Variants in FAM162B observed in about 807,000 individuals in gnomAD.
FAM162B encodes the protein family with sequence similarity 162 member B.
Under a neutral mutation model 20.0 loss-of-function variants are expected in FAM162B, and 16 were observed. The observed-to-expected ratio is 0.80, with a 90% CI of 0.54 to 1.21. The LOEUF (loss-of-function observed/expected upper bound fraction) is 1.21. Among genes scored for constraint, FAM162B ranks in the 50% most tolerant of loss-of-function variants. FAM162B has a pLI of 0.00. For synonymous variants in FAM162B, 83 were observed against 89.7 expected, an observed-to-expected ratio of 0.93 and a Z score of 0.42; for missense variants, 260 against 227.5, an observed-to-expected ratio of 1.14 and a Z score of -0.92.
intron 3 of FAM162B, among the ~76,000 whole-genome samples, chr6:116,758,815 C>T (rs899648232): frequency 3.3e-5 from 5 of 152,166 alleles, no homozygotes; most frequent in African/African-American, 1.2e-4. Context: ...TACAGAGTCA[C>T]TATTTCATAT....
rs1218419904 is a variant in FAM162B at position 116,765,400 on chromosome 6, C to T, written c.172+5G>A. 2.0e-6 allele frequency: 3 copies of T among 1,469,636 alleles called. No individual in the cohort carries two copies. Among genetic ancestry groups the T allele is most frequent in the Non-Finnish European group, 2.7e-6 (3 of 1,108,038 alleles). 91.0% of individuals were successfully genotyped at this position (1,469,636 alleles called of 1,614,324 possible). The stretch of plus-strand genomic sequence containing the variant: ...CAGGACCTCCCCGTCGGAGCCCTGG[C>T]TCACCGTGACCTTGGGGCCCAGAAT... On this transcript the variant is annotated splice_donor_5th_base_variant and intron_variant, in intron 1 of 3. Transcript: ENST00000368557.
chr6:116,765,131 C>T lies in FAM162B; in HGVS notation c.281+16G>A, dbSNP rs750365648. ...CGGGGACCGACTCTCCTTCGCGCGG[C>T]GGTCGCCACACTTACGGGATCCGAG... On this transcript the variant is annotated intron_variant, in intron 2 of 3. Transcript: ENST00000368557. 1 of 1,610,672 alleles carries T rather than the reference C, an allele frequency of 6.2e-7. No individual in the cohort carries two copies. Among genetic ancestry groups the T allele is most frequent in the Admixed American group, 1.7e-5 (1 of 60,010 alleles).
intron 2 of FAM162B, among the ~76,000 whole-genome samples, chr6:116,763,327 G>T (rs1467637021): frequency 6.6e-6 from 1 of 152,094 alleles, no homozygotes; most frequent in Non-Finnish European, 1.5e-5. Context: ...AACACAATTA[G>T]TGTATGATAC....
chr6:116,754,347 T>C (rs944894242), intron 3 of FAM162B, among the ~76,000 whole-genome samples: 4 of 152,158 alleles, frequency 2.6e-5, no homozygotes, highest in Non-Finnish European at 5.9e-5. Flanking sequence ...AAATATTTGC[T>C]AATCAAGCAG....
At chr6:116,756,989 A>G (rs989698917) in intron 3 of FAM162B, among the ~76,000 whole-genome samples, 1 of 152,236 alleles carries the variant, frequency 6.6e-6, no homozygotes. Context: ...AGAAAATTAC[A>G]TGGCGTCTTT....
At chr6:116,759,641 G>A (rs1348712471) in intron 3 of FAM162B, among the ~76,000 whole-genome samples, 5 of 152,102 alleles carry the variant, frequency 3.3e-5, no homozygotes. Context: ...GAATAAAGAG[G>A]AGAGTGAAAA....
intron 2 of FAM162B, among the ~76,000 whole-genome samples, chr6:116,764,527 C>A (rs1393637426): frequency 6.6e-6 from 1 of 152,078 alleles, no homozygotes; most frequent in African/African-American, 2.4e-5. Flanking sequence ...GTTTTATCAT[C>A]TGTCTTGGTG....
chr6:116,754,392 T>G (rs1218142841), intron 3 of FAM162B, among the ~76,000 whole-genome samples: 1 of 152,188 alleles, frequency 6.6e-6, no homozygotes, highest in African/African-American at 2.4e-5. Flanking sequence ...GTAATGAGAT[T>G]TATCAGCACC....
At chr6:116,760,680 G>T (rs1010266098) in intron 3 of FAM162B, among the ~76,000 whole-genome samples, 1 of 152,126 alleles carries the variant, frequency 6.6e-6, no homozygotes, top group African/African-American at 2.4e-5. Context: ...TATTATCAAA[G>T]TTATTTATTT....
chr6:116,755,977 T>C (rs983877239), intron 3 of FAM162B, among the ~76,000 whole-genome samples: 11 of 152,190 alleles, frequency 7.2e-5, no homozygotes, highest in African/African-American at 2.4e-4. Context: ...AAAGTTCTTA[T>C]GGATATTTAC....
At chr6:116,761,297 C>A (rs1780137850) in intron 3 of FAM162B, among the ~76,000 whole-genome samples, 1 of 152,072 alleles carries the variant, frequency 6.6e-6, no homozygotes, top group Non-Finnish European at 1.5e-5. Flanking sequence ...TAAACAGAAA[C>A]CATACATTGA....
chr6:116,759,741 G>A (rs1311320200), intron 3 of FAM162B, among the ~76,000 whole-genome samples: 1 of 152,048 alleles, frequency 6.6e-6, no homozygotes, highest in Non-Finnish European at 1.5e-5. Context: ...GTGATCCATA[G>A]GCCTGACACT....
intron 3 of FAM162B, among the ~76,000 whole-genome samples, chr6:116,756,486 T>C (rs1000186147): frequency 1.3e-5 from 2 of 152,190 alleles, no homozygotes; most frequent in African/African-American, 2.4e-5. Context: ...GTTGTGAACA[T>C]TGGTGAAATT....
rs1460711236 is a variant in FAM162B, at chr6:116,752,331, T to G, written c.*266A>C. 1 of 166,698 alleles carries G rather than the reference T, an allele frequency of 6.0e-6. No individual in the cohort carries two copies. Among genetic ancestry groups the G allele is most frequent in the Non-Finnish European group, 1.3e-5 (1 of 77,954 alleles). The allele number at this position is 166,698 out of a possible 1,614,324, so 10.3% of individuals were successfully genotyped here. On this transcript the variant is annotated 3_prime_UTR_variant, in exon 4 of 4. Transcript: ENST00000368557. ...GAATGAGGCTGTGAAGTGTTGCCAATATTCTACATCTTCACTTTGGCAGTG... is the reference window on the plus strand; with the variant it reads ...GAATGAGGCTGTGAAGTGTTGCCAAGATTCTACATCTTCACTTTGGCAGTG...
chr6:116,759,328 CAG>C (rs1210004143), intron 3 of FAM162B, among the ~76,000 whole-genome samples: 2 of 141,500 alleles, frequency 1.4e-5, no homozygotes, highest in Non-Finnish European at 3.0e-5. Flanking sequence ...TTTTTTGAGA[CAG>C]AGTCTCTGTC....
intron 3 of FAM162B, among the ~76,000 whole-genome samples, chr6:116,760,251 G>A (rs897692678): frequency 2.6e-5 from 4 of 152,128 alleles, no homozygotes; most frequent in Non-Finnish European, 5.9e-5. Flanking sequence ...TCAATTCTCA[G>A]TTGCTACTTT....
intron 3 of FAM162B, among the ~76,000 whole-genome samples, chr6:116,760,820 G>A (rs565366950): frequency 6.1e-4 from 93 of 152,262 alleles, no homozygotes; most frequent in South Asian, 4.6e-3. Flanking sequence ...AGGCTTGTAA[G>A]TCCTAATCCC....
At chr6:116,759,761 C>T (rs1780116655) in intron 3 of FAM162B, among the ~76,000 whole-genome samples, 1 of 152,148 alleles carries the variant, frequency 6.6e-6, no homozygotes, top group South Asian at 2.1e-4. Flanking sequence ...TATCTGGACT[C>T]TCCCTGTCTC....
At chr6:116,754,105 A>G (rs9285419) in intron 3 of FAM162B, among the ~76,000 whole-genome samples, 1 of 151,924 alleles carries the variant, frequency 6.6e-6, no homozygotes, top group Admixed American at 6.6e-5. Context: ...ATAACTAACT[A>G]TTTCCCTATG....
Sources: gnomAD v4.1 joint callset for allele counts (sites outside exome capture counted in the v4.1 genomes callset) on GRCh38, gnomAD v4.1.1 for gene constraint, MANE v1.5 for transcripts, NCBI Gene and HGNC (gene_info 2026-07-23, HGNC 2026-07-21) for gene names.